The following ORC5 variants were observed in gnomAD, a reference collection of about 807,000 sequenced individuals.
The protein encoded by ORC5 is protein phosphatase 1, regulatory subunit 117.
ORC5 carries 39 observed loss-of-function variants against 58.8 expected under a neutral mutation model. The observed-to-expected ratio is 0.66, with a 90% CI of 0.51 to 0.87. The LOEUF (loss-of-function observed/expected upper bound fraction) is 0.87, where lower values mean the gene tolerates loss of function less well. ORC5 is among the 40% of genes least tolerant of loss of function. The pLI is 0.00. For synonymous variants in ORC5, 218 were observed against 177.6 expected (o/e 1.23, Z -1.81); for missense variants, 493 against 506.3 (o/e 0.97, Z 0.25).
rs763614836 is a variant in ORC5 at position 104,136,774 on chromosome 7, A to G, written c.1262+7T>C. On this transcript the variant is annotated splice_region_variant and intron_variant, in intron 13 of 13. Transcript: ENST00000297431. The surrounding 1 kb of genome is among the most constrained non-coding windows in gnomAD (Gnocchi z 4.2). ...AGTATATCATTACATAATTCAAGAC[A>G]TTTTACCTTGCAATAGCTCTGATGA... The G allele has an allele frequency of 4.5e-6, 7 of 1,568,814 alleles. No individual in the cohort carries two copies. Among genetic ancestry groups the G allele is most frequent in the Middle Eastern group, 1.7e-4 (1 of 5,942 alleles).
chr7:104,145,725 G>C (rs1239729536), intron 12 of ORC5, among the ~76,000 whole-genome samples: 1 of 152,138 alleles, frequency 6.6e-6, no homozygotes, highest in Non-Finnish European at 1.5e-5. Context: ...AAGGTAGAAA[G>C]AGGTAGGTGG....
rs1236493516 is a variant in ORC5 at position 104,133,337 on chromosome 7, T to G, written c.1262+3444A>C. Among the ~76,000 whole-genome samples the G allele has an allele frequency of 6.6e-6, 1 of 151,940 alleles. No individual in the cohort carries two copies. The highest frequency in any genetic ancestry group is 1.5e-5 in the Non-Finnish European group (1 of 67,998). On this transcript the variant is annotated intron_variant, in intron 13 of 13. Coordinates refer to ENST00000297431, the MANE Select transcript of ORC5 (RefSeq NM_002553.4). The surrounding 1 kb of genome is among the most constrained non-coding windows in gnomAD (Gnocchi z 4.7). ...AACAAGTGAATGAAATTGAGACAAA[T>G]AAGAGGGGCTTTGTAAGCTCAATAG... is the stretch of plus-strand genomic sequence containing the variant.
chr7:104,180,553 C>T (rs1368520766), intron 8 of ORC5, among the ~76,000 whole-genome samples: 2 of 151,960 alleles, frequency 1.3e-5, no homozygotes, highest in Non-Finnish European at 2.9e-5. Flanking sequence ...ATAGACCTCC[C>T]TCCCCAATAT....
At chr7:104,158,315 A>C (rs956505203) in intron 12 of ORC5, among the ~76,000 whole-genome samples, 3 of 152,224 alleles carry the variant, frequency 2.0e-5, no homozygotes, top group Admixed American at 6.5e-5. Flanking sequence ...CACCTTATAC[A>C]AAAATTAATT....
intron 13 of ORC5, among the ~76,000 whole-genome samples, chr7:104,134,660 G>A (rs115712690): frequency 1.3e-3 from 194 of 152,196 alleles, no homozygotes; most frequent in African/African-American, 4.3e-3. Context: ...CCAACCCTGA[G>A]GGATTAGGGT....
intron 12 of ORC5, among the ~76,000 whole-genome samples, chr7:104,151,668 C>G (rs79908940): frequency 0.045 from 6,779 of 152,200 alleles, 501 homozygotes; most frequent in African/African-American, 0.15. Context: ...ACACCAGTGT[C>G]TGACATATAT....
rs34643155 is a variant in ORC5, at chr7:104,188,195, T to TACACAC, written c.684+50_684+55dup. ...AAATACATATATACACATATATGTA[T>TACACAC]ACACACACACACACACACACACATA... On this transcript the variant is annotated intron_variant, in intron 6 of 13. Coordinates refer to ENST00000297431, the MANE Select transcript of ORC5 (RefSeq NM_002553.4). 1,187 of 1,017,310 alleles carry TACACAC rather than the reference T, an allele frequency of 1.2e-3. 12 individuals carry two copies. In the African/African-American group the frequency reaches 0.018, roughly 16 times the overall value. The allele number at this position is 1,017,310 out of a possible 1,614,324, so 63.0% of individuals were successfully genotyped here.
intron 8 of ORC5, among the ~76,000 whole-genome samples, chr7:104,181,791 CA>C (rs34988883): frequency 0.051 from 4,407 of 85,754 alleles, 165 homozygotes; most frequent in African/African-American, 0.18. Flanking sequence ...GACTCCGTCT[CA>C]AAAAAAAAAA....
At chr7:104,171,051 C>T (rs1412881984) in intron 8 of ORC5, among the ~76,000 whole-genome samples, 2 of 152,086 alleles carry the variant, frequency 1.3e-5, no homozygotes, top group East Asian at 1.9e-4. Context: ...CTGAACTTTG[C>T]TCCTGAGTTT....
chr7:104,150,709 T>C (rs945545072), intron 12 of ORC5, among the ~76,000 whole-genome samples: 2 of 152,182 alleles, frequency 1.3e-5, no homozygotes, highest in Admixed American at 6.5e-5. Flanking sequence ...ATGAAGACCA[T>C]AAATGCCTGT....
At chr7:104,154,484 G>A (rs1798892833) in intron 12 of ORC5, among the ~76,000 whole-genome samples, 1 of 151,934 alleles carries the variant, frequency 6.6e-6, no homozygotes, top group Non-Finnish European at 1.5e-5. Flanking sequence ...TGTCTTCACA[G>A]TAAATACATA....
chr7:104,170,628 C>T (rs550841812), intron 8 of ORC5, among the ~76,000 whole-genome samples: 2 of 152,324 alleles, frequency 1.3e-5, no homozygotes, highest in South Asian at 4.1e-4. Flanking sequence ...AACTGTAAGA[C>T]AGTAACTATG....
intron 12 of ORC5, among the ~76,000 whole-genome samples, chr7:104,143,229 T>C (rs1798703903): frequency 6.6e-6 from 1 of 152,190 alleles, no homozygotes; most frequent in Non-Finnish European, 1.5e-5. Flanking sequence ...ATATTTCTCA[T>C]AACTGATACT....
intron 13 of ORC5, among the ~76,000 whole-genome samples, chr7:104,130,311 A>G (rs1370889253): frequency 6.6e-6 from 1 of 152,130 alleles, no homozygotes; most frequent in East Asian, 1.9e-4. Context: ...TCTCTGTCCA[A>G]ACCTTTCCAC....
chr7:104,131,794 G>C (rs1798515621), intron 13 of ORC5, among the ~76,000 whole-genome samples: 1 of 151,434 alleles, frequency 6.6e-6, no homozygotes, highest in Admixed American at 6.6e-5. Flanking sequence ...AGAGGCTGCA[G>C]TGAGCCGAGA....
At chr7:104,182,261 G>A (rs1342532648) in intron 8 of ORC5, among the ~76,000 whole-genome samples, 3 of 152,120 alleles carry the variant, frequency 2.0e-5, no homozygotes, top group East Asian at 1.9e-4. Context: ...AGAGACAGTC[G>A]AACTGCAAAG....
intron 12 of ORC5, among the ~76,000 whole-genome samples, chr7:104,137,521 T>C (rs1026475431): frequency 6.6e-6 from 1 of 152,018 alleles, no homozygotes; most frequent in African/African-American, 2.4e-5. Flanking sequence ...TATTACATTT[T>C]CCAAGACCAC....
At chr7:104,165,545 GCTT>G in intron 10 of ORC5, 2 of 305,262 alleles carry the variant, frequency 6.6e-6, no homozygotes, top group Non-Finnish European at 1.2e-5. Context: ...TCCTAAAAGA[GCTT>G]ATTATATTGA....
rs776170846 is a variant in ORC5 at position 104,184,160 on chromosome 7, A to G, written c.696T>C (p.Asn232=). The G allele has an allele frequency of 1.9e-6, 3 of 1,568,350 alleles. No individual in the cohort carries two copies. The Admixed American group carries it at 5.3e-5, about 28-fold the overall frequency. Residue 232 remains asparagine (N), a synonymous_variant, in exon 7 of 14, where the codon AAT becomes AAC. Transcript: ENST00000297431. ...LKELRHLAVL[N]FPKYCEPVVK... ...CCACGGGTTCACAATATTTAGGAAA[A>G]TTAAGTACTGCCTGTAAGTAAAGAA...
Sources: allele counts gnomAD v4.1 joint callset (sites outside exome capture counted in the v4.1 genomes callset), GRCh38; gene constraint gnomAD v4.1.1; non-coding constraint Gnocchi (gnomAD v3.1); transcripts MANE v1.5; gene names NCBI Gene and HGNC (gene_info 2026-07-23, HGNC 2026-07-21).